The following AMZ1 variants were observed in gnomAD, a reference collection of about 807,000 sequenced individuals.
The protein encoded by AMZ1 is archaemetzincin-1.
In AMZ1, 39 loss-of-function variants were observed where a neutral mutation model predicts 29.9. The ratio of observed to expected loss-of-function variants is 1.30; its 90% CI spans 1.01 to 1.70. AMZ1 has a LOEUF of 1.70. AMZ1 is among the 40% of genes most tolerant of loss of function. The probability of loss-of-function intolerance (pLI) is 0.00; values close to 1 mark genes in which losing one functional copy is unlikely to be tolerated. For missense variants in AMZ1, 1,041 were observed against 680.6 expected (o/e 1.53, Z -5.89); for synonymous variants, 458 against 304.0 (o/e 1.51, Z -5.27).
At chr7:2,738,034 C>T (rs2115314217) in intron 4 of AMZ1, among the ~76,000 whole-genome samples, 1 of 152,278 alleles carries the variant, frequency 6.6e-6, no homozygotes, top group South Asian at 2.1e-4. Context: ...AAAAGAGATA[C>T]AACACCACAT....
chr7:2,762,526 G>C, upstream of AMZ1: 2 of 1,142,154 alleles, frequency 1.8e-6, no homozygotes, highest in South Asian at 1.8e-5. Context: ...TACAAAAGCA[G>C]TTCCACCACG....
intron 4 of AMZ1, chr7:2,733,423 G>A: frequency 6.2e-7 from 1 of 1,607,676 alleles, no homozygotes; most frequent in Non-Finnish European, 8.5e-7. Flanking sequence ...CTGGAGCCCA[G>A]CTTCTTCGGG....
intron 4 of AMZ1, among the ~76,000 whole-genome samples, chr7:2,738,825 TTTTTA>T (rs756918735): frequency 1.3e-5 from 2 of 152,150 alleles, no homozygotes; most frequent in East Asian, 1.9e-4. Flanking sequence ...CTCCTCCTGT[TTTTTA>T]TTTTGTTTGT....
In AMZ1 at chr7:2,731,089, C is replaced by G; in HGVS notation, n.550+21273C>G. On this transcript the variant is annotated intron_variant and non_coding_transcript_variant, in intron 4 of 4. Transcript: ENST00000489665. The surrounding 1 kb of genome is among the most constrained non-coding windows in gnomAD (Gnocchi z 6.0). ...TTCCAGGGCACGGATCCGAGAAACC[C>G]ACTCAAGGACCACACAGACAACACA... 3 of 834,884 alleles carry G rather than the reference C, an allele frequency of 3.6e-6. No homozygotes were observed. In the Admixed American group the frequency reaches 7.1e-5, roughly 20 times the overall value. 51.7% of individuals were successfully genotyped at this position (834,884 alleles called of 1,614,324 possible). A position where few individuals can be genotyped will look rare whatever the true frequency, so the allele number is the denominator to read the frequency against.
intron 4 of AMZ1, chr7:2,728,100 C>T (rs1413413112): frequency 6.6e-6 from 1 of 151,662 alleles, no homozygotes; most frequent in Non-Finnish European, 1.5e-5. Flanking sequence ...TGAATACTGG[C>T]ACTATTTTAT....
downstream of AMZ1, among the ~76,000 whole-genome samples, chr7:2,723,870 T>A (rs961654087): frequency 8.5e-5 from 13 of 152,126 alleles, no homozygotes; most frequent in African/African-American, 2.4e-4. Flanking sequence ...CACCCCTACA[T>A]CTGTCTCTGC....
chr7:2,731,086 A>AC lies in AMZ1; in HGVS notation n.550+21273dup, dbSNP rs1166541112. On this transcript the variant is annotated intron_variant and non_coding_transcript_variant, in intron 4 of 4. Coordinates refer to the AMZ1 transcript ENST00000489665. This position sits in a 1 kb window ranked among gnomAD's most constrained non-coding sequence, Gnocchi z 6.0. ...GTATTCCAGGGCACGGATCCGAGAA[A>AC]CCCACTCAAGGACCACACAGACAAC... 6.2e-6 allele frequency: 5 copies of AC among 810,276 alleles called. No individual in the cohort carries two copies. Among genetic ancestry groups the AC allele is most frequent in the Non-Finnish European group, 9.9e-6 (5 of 505,746 alleles). 50.2% of individuals were successfully genotyped at this position (810,276 alleles called of 1,614,324 possible).
rs577264417 is a variant in AMZ1, at chr7:2,692,185, T to C, written c.-219+3889T>C. ...CTCCTCCTACTTGGGCCAGCCAGGC[T>C]CCTGGAGGAAGACAGGTGGGACCAC... On this transcript the variant is annotated intron_variant, in intron 1 of 6. Coordinates refer to ENST00000683327, the MANE Select transcript of AMZ1 (RefSeq NM_001384743.1). Among the ~76,000 whole-genome samples, 9 of 152,272 alleles carry C rather than the reference T, an allele frequency of 5.9e-5. No individual in the cohort carries two copies. In the South Asian group the frequency reaches 1.9e-3, roughly 32 times the overall value.
intron 3 of AMZ1, among the ~76,000 whole-genome samples, chr7:2,707,974 C>G (rs2115152200): frequency 6.6e-6 from 1 of 152,052 alleles, no homozygotes; most frequent in African/African-American, 2.4e-5. Flanking sequence ...CAGGCACGCA[C>G]CACCAGGCCC....
At chr7:2,712,289 G>C (rs1358216358) in intron 6 of AMZ1, 41 bp from the exon 7 acceptor site, 2 of 1,514,848 alleles carry the variant, frequency 1.3e-6, no homozygotes, top group South Asian at 1.3e-5. Flanking sequence ...CTAGACAAGG[G>C]CTGGCACGGA....
intron 6 of AMZ1, among the ~76,000 whole-genome samples, chr7:2,710,394 C>T (rs10229817): frequency 0.39 from 59,738 of 152,180 alleles, 14,410 homozygotes; most frequent in African/African-American, 0.68. Flanking sequence ...AATTTTTCTT[C>T]AAACCCAGCT....
At chr7:2,708,929 T>C in intron 4 of AMZ1, 146 bp from the exon 5 acceptor site, 1 of 1,281,704 alleles carries the variant, frequency 7.8e-7, no homozygotes, top group Non-Finnish European at 1.1e-6. Context: ...AGGGCCCAAC[T>C]TCATGTGGGC....
chr7:2,683,248 A>G (rs1414417029), upstream of AMZ1, among the ~76,000 whole-genome samples: 1 of 152,186 alleles, frequency 6.6e-6, no homozygotes, highest in Non-Finnish European at 1.5e-5. Context: ...TCTGGAGGGC[A>G]GTGGTCTGAA....
At chr7:2,708,739 G>A (rs759629132) in intron 4 of AMZ1, 23 bp downstream of exon 4, 31 of 1,611,468 alleles carry the variant, frequency 1.9e-5, no homozygotes, top group Non-Finnish European at 2.5e-5. Context: ...CCCAGCAGCT[G>A]TGCGTGGGGG....
At position 2,700,281 on chromosome 7, in the gene AMZ1, G is replaced by C; in HGVS notation, c.-171G>C. 1 of 736,730 alleles carries C rather than the reference G, an allele frequency of 1.4e-6. No homozygotes were observed. Among genetic ancestry groups the C allele is most frequent in the South Asian group, 1.9e-5 (1 of 53,058 alleles). The allele number at this position is 736,730 out of a possible 1,614,324, so 45.6% of individuals were successfully genotyped here. A position where few individuals can be genotyped will look rare whatever the true frequency, so the allele number is the denominator to read the frequency against. On this transcript the variant is annotated 5_prime_UTR_variant, in exon 2 of 7. Coordinates refer to ENST00000683327, the MANE Select transcript of AMZ1 (RefSeq NM_001384743.1). ...CCATGCCTGAGAGCGTCCAGGACCA[G>C]GCAGAGCTGGGCCTTAAGGGCCCTT...
intron 4 of AMZ1, among the ~76,000 whole-genome samples, chr7:2,743,990 C>G (rs946976055): frequency 2.0e-4 from 30 of 152,268 alleles, no homozygotes; most frequent in African/African-American, 6.7e-4. Context: ...CCACCATTGC[C>G]GAGACTTGAT....
chr7:2,708,992 G>A lies in AMZ1; in HGVS notation c.602-83G>A, dbSNP rs57805268. 4,061 of 1,458,644 alleles carry A rather than the reference G, an allele frequency of 2.8e-3. 119 individuals carry two copies. The East Asian group carries it at 0.078, about 28-fold the overall frequency. 90.4% of individuals were successfully genotyped at this position (1,458,644 alleles called of 1,614,324 possible). On this transcript the variant is annotated intron_variant, in intron 4 of 6. Transcript: ENST00000683327. The stretch of plus-strand genomic sequence containing the variant: ...TCTTTGGGCCATGGCCAGCTTGCAT[G>A]AGAGCATGAGGTGGGTTTGACGGTG...
intron 4 of AMZ1, among the ~76,000 whole-genome samples, chr7:2,736,889 C>T (rs193066573): frequency 3.3e-5 from 5 of 152,340 alleles, no homozygotes; most frequent in African/African-American, 1.2e-4. Context: ...TAATTTAGGA[C>T]CACGAGAAAA....
At chr7:2,730,080 T>G (rs1789811924) in intron 4 of AMZ1, 1 of 152,380 alleles carries the variant, frequency 6.6e-6, no homozygotes, top group Admixed American at 6.5e-5. Context: ...AGCGGCAGTT[T>G]GGAGAAACTC....
Sources: gnomAD v4.1 joint callset for allele counts (sites outside exome capture counted in the v4.1 genomes callset) on GRCh38, gnomAD v4.1.1 for gene constraint, Gnocchi (gnomAD v3.1) non-coding constraint, MANE v1.5 for transcripts, NCBI Gene and HGNC (gene_info 2026-07-23, HGNC 2026-07-21) for gene names.